ABRAXAS2: variants seen among roughly 807,000 people sequenced by gnomAD.
The protein encoded by ABRAXAS2 is BRISC complex subunit Abraxas 2.
In ABRAXAS2, 23 loss-of-function variants were observed where a neutral mutation model predicts 49.0. The ratio of observed to expected loss-of-function variants is 0.47; its 90% CI spans 0.34 to 0.66. The LOEUF (loss-of-function observed/expected upper bound fraction) is 0.66. Among genes scored for constraint, ABRAXAS2 ranks in the 30% least tolerant of loss-of-function variants. ABRAXAS2 has a pLI of 0.01. For missense variants in ABRAXAS2, 443 were observed against 511.9 expected (o/e 0.87, Z 1.30); for synonymous variants, 168 against 180.2 (o/e 0.93, Z 0.54).
intron 6 of ABRAXAS2, 109 bp from the exon 7 acceptor site, chr10:124,829,284 T>A: frequency 1.4e-6 from 1 of 738,694 alleles, no homozygotes; most frequent in Non-Finnish European, 2.4e-6. Flanking sequence ...CACTGTCACC[T>A]CGGAGTCACA....
chr10:124,808,571 G>A (rs1333239047), intron 2 of ABRAXAS2, among the ~76,000 whole-genome samples: 3 of 152,158 alleles, frequency 2.0e-5, no homozygotes, highest in African/African-American at 7.2e-5. Flanking sequence ...TAGAGCTGCG[G>A]GGAGGATTAG....
In ABRAXAS2 at chr10:124,807,682, A is replaced by G. The variant is rs552245285; in HGVS notation, c.163+761A>G. ...ATATGAAATGTTTTTATGTCAGTAT[A>G]AAGTCAGAGAAAACAGAATGTCTAG... On this transcript the variant is annotated intron_variant, in intron 2 of 8. Transcript: ENST00000298492. 3.9e-5 allele frequency among the ~76,000 whole-genome samples: 6 copies of G among 152,352 alleles called. No individual in the cohort carries two copies. In the South Asian group the frequency reaches 1.2e-3, roughly 32 times the overall value.
Position 124,831,378 on chromosome 10 carries a change from G to C in ABRAXAS2, c.693G>C (p.Glu231Asp). 3.7e-6 allele frequency: 6 copies of C among 1,612,898 alleles called. No individual in the cohort carries two copies. The highest frequency in any genetic ancestry group is 4.2e-6 in the Non-Finnish European group (5 of 1,179,168). The change falls in exon 8 of 9, where the codon GAG becomes GAC. Residue 231 changes from glutamate (E) to aspartate (D), a missense_variant. By Grantham distance (45) the Glu-to-Asp change is conservative (BLOSUM62 2). Transcript: ENST00000298492. ...TGTGTGCAGATGTTGAAAAGAGTGA[G>C]CGAGTTGTTGAATCTTGTCAGGCAG... ...QAVCADVEKS[E>D]RVVESCQAEV...
intron 4 of ABRAXAS2, among the ~76,000 whole-genome samples, chr10:124,821,866 G>A (rs992071091): frequency 4.6e-5 from 7 of 152,100 alleles, no homozygotes; most frequent in Non-Finnish European, 1.5e-5. Flanking sequence ...ATTTTACATG[G>A]GTTCAACAAT....
chr10:124,832,834 A>C (rs1564926278), intron 8 of ABRAXAS2, among the ~76,000 whole-genome samples: 1 of 150,362 alleles, frequency 6.7e-6, no homozygotes, highest in African/African-American at 2.5e-5. Flanking sequence ...ACAGAGTGAG[A>C]CTGTCTCAAA....
At chr10:124,805,443 A>T (rs1306723302) in intron 1 of ABRAXAS2, among the ~76,000 whole-genome samples, 1 of 152,174 alleles carries the variant, frequency 6.6e-6, no homozygotes, top group African/African-American at 2.4e-5. Flanking sequence ...GATTTGAAGG[A>T]TCAACTTAGA....
intron 2 of ABRAXAS2, among the ~76,000 whole-genome samples, chr10:124,810,383 C>T (rs1029366774): frequency 1.3e-5 from 2 of 152,040 alleles, no homozygotes; most frequent in African/African-American, 2.4e-5. Context: ...TATAATTAGC[C>T]AGGCGTGGTG....
chr10:124,834,223 C>G (rs780197887), intron 8 of ABRAXAS2, among the ~76,000 whole-genome samples: 1 of 152,192 alleles, frequency 6.6e-6, no homozygotes, highest in Non-Finnish European at 1.5e-5. Context: ...ATCACCTCAC[C>G]TTTCAGAACT....
chr10:124,804,704 T>G (rs977644604), intron 1 of ABRAXAS2, among the ~76,000 whole-genome samples: 5 of 139,556 alleles, frequency 3.6e-5, no homozygotes, highest in Non-Finnish European at 7.6e-5. Context: ...TATATATATT[T>G]CTTTTTTTCT....
intron 8 of ABRAXAS2, among the ~76,000 whole-genome samples, chr10:124,833,303 C>CT (rs1950947225): frequency 1.3e-5 from 1 of 77,650 alleles, no homozygotes; most frequent in Non-Finnish European, 2.7e-5. Flanking sequence ...CCCATCTCTA[C>CT]TTCAAAAAAA....
rs1950969888 is a variant in ABRAXAS2 at position 124,836,586 on chromosome 10, T to A, written c.*1615T>A. On this transcript the variant is annotated 3_prime_UTR_variant, in exon 9 of 9. Coordinates refer to ENST00000298492, the MANE Select transcript of ABRAXAS2 (RefSeq NM_032182.4). ...GATTTTGACATTCAGGAAAATATTT[T>A]TATTTTGATGCCATACTGAAATCTA... 1 of 152,650 alleles carries A rather than the reference T, an allele frequency of 6.6e-6. No homozygotes were observed. Among genetic ancestry groups the A allele is most frequent in the Admixed American group, 6.5e-5 (1 of 15,276 alleles). The allele number at this position is 152,650 out of a possible 1,614,324, so 9.5% of individuals were successfully genotyped here. A position where few individuals can be genotyped will look rare whatever the true frequency, so the allele number is the denominator to read the frequency against.
intron 3 of ABRAXAS2, among the ~76,000 whole-genome samples, chr10:124,817,019 A>G (rs1016312676): frequency 3.9e-5 from 6 of 152,208 alleles, no homozygotes; most frequent in Admixed American, 1.3e-4. Context: ...TCCTTGGGCA[A>G]TATGTGGCAA....
chr10:124,831,358 G>A lies in ABRAXAS2; in HGVS notation c.673G>A (p.Ala225Thr). ...ALQEKVQAVC[A>T]DVEKSERVVE... ...TCATTTTTTTCCTCAGGCAGTGTGT[G>A]CAGATGTTGAAAAGAGTGAGCGAGT... is the stretch of plus-strand genomic sequence containing the variant. Residue 225 changes from alanine (A) to threonine (T), a missense_variant, in exon 8 of 9, where the codon GCA (alanine) becomes ACA (threonine). Transcript: ENST00000298492. 1 of 1,607,760 alleles carries A rather than the reference G, an allele frequency of 6.2e-7. No homozygotes were observed. Among genetic ancestry groups the A allele is most frequent in the South Asian group, 1.1e-5 (1 of 90,888 alleles).
chr10:124,824,534 CAA>C (rs531680713), intron 4 of ABRAXAS2, among the ~76,000 whole-genome samples: 4 of 78,146 alleles, frequency 5.1e-5, no homozygotes, highest in Non-Finnish European at 3.1e-5. Context: ...TCTCAAAAAC[CAA>C]AAAAAAAAAA....
chr10:124,834,893 A>G lies in ABRAXAS2; in HGVS notation c.1170A>G (p.Glu390=), dbSNP rs1252474284. 1 of 1,614,136 alleles carries G rather than the reference A, an allele frequency of 6.2e-7. No individual in the cohort carries two copies. The highest frequency in any genetic ancestry group is 1.7e-5 in the Admixed American group (1 of 59,998). ...LIDPTEPSNS[E]YSHSKDSRPM... is the part of the protein sequence containing the mutation. Reference sequence around the variant, plus strand: ...ACCCTACAGAGCCTTCTAATAGTGAATACTCACATTCAAAGGATTCTCGAC... The same window carrying G: ...ACCCTACAGAGCCTTCTAATAGTGAGTACTCACATTCAAAGGATTCTCGAC... The change falls in exon 9 of 9, where the codon GAA becomes GAG. Residue 390 remains glutamate (E), a synonymous_variant. Coordinates refer to ENST00000298492, the MANE Select transcript of ABRAXAS2 (RefSeq NM_032182.4).
intron 2 of ABRAXAS2, among the ~76,000 whole-genome samples, chr10:124,810,705 C>T (rs897369847): frequency 4.0e-5 from 6 of 150,846 alleles, no homozygotes; most frequent in African/African-American, 1.5e-4. Flanking sequence ...GCTTCAGCCT[C>T]CCGAGTAGGT....
At chr10:124,822,716 C>T (rs913237718) in intron 4 of ABRAXAS2, among the ~76,000 whole-genome samples, 3 of 145,434 alleles carry the variant, frequency 2.1e-5, no homozygotes, top group Non-Finnish European at 4.5e-5. Context: ...GGTTTGAACC[C>T]GGGAGGTGGA....
intron 1 of ABRAXAS2, among the ~76,000 whole-genome samples, chr10:124,803,477 G>A (rs1950719962): frequency 6.6e-6 from 1 of 152,142 alleles, no homozygotes; most frequent in African/African-American, 2.4e-5. Context: ...TGTAGACCTG[G>A]GGCTACCATA....
intron 2 of ABRAXAS2, among the ~76,000 whole-genome samples, chr10:124,816,059 C>T (rs1156884950): frequency 2.0e-5 from 3 of 151,990 alleles, no homozygotes; most frequent in African/African-American, 4.8e-5. Flanking sequence ...CCCGCCACCA[C>T]GCCCAGCTAA....
Sources: allele counts gnomAD v4.1 joint callset (sites outside exome capture counted in the v4.1 genomes callset), GRCh38; gene constraint gnomAD v4.1.1; transcripts MANE v1.5; gene names NCBI Gene and HGNC (gene_info 2026-07-23, HGNC 2026-07-21).